TLE2: variants seen among roughly 807,000 people sequenced by gnomAD.
TLE2 encodes transducin-like enhancer protein 2.
A neutral mutation model predicts 97.2 loss-of-function variants in TLE2; 74 were observed. That is an observed-to-expected ratio of 0.76 (90% CI 0.63 to 0.92). TLE2 has a LOEUF of 0.92. Among genes scored for constraint, TLE2 ranks in the 40% least tolerant of loss-of-function variants. The probability of loss-of-function intolerance (pLI) is 0.00; values close to 1 mark genes in which losing one functional copy is unlikely to be tolerated. For synonymous variants in TLE2, 499 were observed against 432.1 expected, an observed-to-expected ratio of 1.15 and a Z score of -1.92; for missense variants, 1,038 against 1,008.7, an observed-to-expected ratio of 1.03 and a Z score of -0.39.
In TLE2 at chr19:3,028,794, G is replaced by A; in HGVS notation, c.34C>T (p.Gln12Ter). Reference sequence around the variant, plus strand: ...GAGAACTTGAAGGGCTGGCCGGACTGGAGCGGGGTCTGGGGGGGGTGTGGG... The same window carrying A: ...GAGAACTTGAAGGGCTGGCCGGACTAGAGCGGGGTCTGGGGGGGGTGTGGG... ...YPQGRHPTPLQSGQPFKFSIL... is the reference protein window; with the variant it reads ...YPQGRHPTPL Residue 12 changes from glutamine to a stop codon, truncating the protein, a stop_gained, in exon 2 of 20, where the codon CAG becomes TAG. Coordinates refer to ENST00000262953, the MANE Select transcript of TLE2 (RefSeq NM_003260.5). LOFTEE classifies it high-confidence loss of function. 6.2e-7 allele frequency: 1 copy of A among 1,612,726 alleles called. No individual in the cohort carries two copies. The highest frequency in any genetic ancestry group is 8.5e-7 in the Non-Finnish European group (1 of 1,179,848).
chr19:3,017,809 TAA>T (rs746245112), intron 8 of TLE2, 29 bp downstream of exon 8: 6 of 1,607,428 alleles, frequency 3.7e-6, no homozygotes, highest in African/African-American at 1.3e-5. Flanking sequence ...CCCAAGAATA[TAA>T]AAAGAGTCCC....
chr19:3,008,446 TTC>T (rs1462249705), intron 14 of TLE2, among the ~76,000 whole-genome samples: 2 of 139,992 alleles, frequency 1.4e-5, no homozygotes, highest in African/African-American at 5.3e-5. Context: ...GAGACTTTTT[TTC>T]TTTTTTCTTT....
intron 11 of TLE2, among the ~76,000 whole-genome samples, chr19:3,012,261 A>G (rs200122073): frequency 2.6e-5 from 4 of 151,826 alleles, no homozygotes; most frequent in African/African-American, 9.7e-5. Context: ...TCCAAAACGA[A>G]AAACAAACAA....
chr19:2,997,748 G>C lies in TLE2; in HGVS notation c.*100C>G. 1.2e-6 allele frequency: 1 copy of C among 840,180 alleles called. No individual in the cohort carries two copies. Among genetic ancestry groups the C allele is most frequent in the Non-Finnish European group, 2.0e-6 (1 of 508,936 alleles). 52.0% of individuals were successfully genotyped at this position (840,180 alleles called of 1,614,324 possible). ...TGGCCAGAGAGCAGATGGGATGTACGGTTCCTAGGCAGGGCTGGGAGGCGG... is the reference window on the plus strand; with the variant it reads ...TGGCCAGAGAGCAGATGGGATGTACCGTTCCTAGGCAGGGCTGGGAGGCGG... On this transcript the variant is annotated 3_prime_UTR_variant, in exon 20 of 20. Transcript: ENST00000262953.
chr19:3,002,719 G>T (rs2089391471), intron 17 of TLE2, among the ~76,000 whole-genome samples: 2 of 149,454 alleles, frequency 1.3e-5, no homozygotes, highest in Admixed American at 6.7e-5. Flanking sequence ...TTTTTTTTGA[G>T]ACAGAGTCTC....
At position 2,998,293 on chromosome 19, in the gene TLE2, T is replaced by G. The variant is rs548486815; in HGVS notation, c.2125-338A>C. Among the ~76,000 whole-genome samples, 873 of 144,910 alleles carry G rather than the reference T, an allele frequency of 6.0e-3. 15 individuals carry two copies. Among genetic ancestry groups the G allele is most frequent in the African/African-American group, 0.023 (844 of 36,582 alleles). ...TGTGTGTGTAATTTTTTTTTTTTTT[T>G]GTGAGACAGGGTCTAACTCTGTTGC... On this transcript the variant is annotated intron_variant, in intron 19 of 19. Transcript: ENST00000262953.
intron 8 of TLE2, among the ~76,000 whole-genome samples, chr19:3,016,543 T>A (rs1013891852): frequency 6.9e-6 from 1 of 145,168 alleles, no homozygotes; most frequent in Non-Finnish European, 1.5e-5. Context: ...TGAGCCGAGA[T>A]TGCACCACTG....
At position 3,003,000 on chromosome 19, in the gene TLE2, C is replaced by T. The variant is rs143317028; in HGVS notation, c.1897-497G>A. 1.1e-4 allele frequency among the ~76,000 whole-genome samples: 17 copies of T among 152,174 alleles called. No individual in the cohort carries two copies. In the East Asian group the frequency reaches 2.5e-3, roughly 23 times the overall value. ...AGGTGTGAGCCACCATGTCAGCCTACGAGCCCCTTTGGATATTGGGGGGTG... is the reference window on the plus strand; with the variant it reads ...AGGTGTGAGCCACCATGTCAGCCTATGAGCCCCTTTGGATATTGGGGGGTG... On this transcript the variant is annotated intron_variant, in intron 17 of 19. Transcript: ENST00000262953.
chr19:3,032,132 A>G (rs1195541127), upstream of TLE2, among the ~76,000 whole-genome samples: 1 of 151,670 alleles, frequency 6.6e-6, no homozygotes, highest in Non-Finnish European at 1.5e-5. This position sits in a 1 kb window ranked among gnomAD's most constrained non-coding sequence, Gnocchi z 4.1. Context: ...CGGATTCACC[A>G]TGTTGGCCGG....
chr19:3,024,969 G>A (rs569771784), intron 5 of TLE2, 51 bp downstream of exon 5: 55 of 1,492,784 alleles, frequency 3.7e-5, no homozygotes, highest in South Asian at 3.4e-4. Context: ...ACCCCCTCCC[G>A]TCTTCTTCCG....
chr19:3,040,912 T>C (rs1193606201), intron 1 of TLE2, among the ~76,000 whole-genome samples: 3 of 145,962 alleles, frequency 2.1e-5, no homozygotes, highest in Non-Finnish European at 4.5e-5. Context: ...CCTGTGGACC[T>C]CCGTTTGCTC....
chr19:3,019,666 C>T lies in TLE2; in HGVS notation c.369+33G>A, dbSNP rs749173534. On this transcript the variant is annotated intron_variant, in intron 6 of 19. Coordinates refer to ENST00000262953, the MANE Select transcript of TLE2 (RefSeq NM_003260.5). This position sits in a 1 kb window ranked among gnomAD's most constrained non-coding sequence, Gnocchi z 5.1. ...GCCAGGGACCTGGGAGTGGGCGTCTCCCCATGGCGGGGCAGGGGCTAGAGA... is the reference window on the plus strand; with the variant it reads ...GCCAGGGACCTGGGAGTGGGCGTCTTCCCATGGCGGGGCAGGGGCTAGAGA... The T allele has an allele frequency of 1.4e-5, 23 of 1,599,892 alleles. No individual in the cohort carries two copies. Among genetic ancestry groups the T allele is most frequent in the Non-Finnish European group, 1.9e-5 (22 of 1,173,564 alleles).
In TLE2 at chr19:3,019,725, C is replaced by T. The variant is rs760740132; in HGVS notation, c.343G>A (p.Val115Met). The change falls in exon 6 of 20, where the codon GTG becomes ATG. Residue 115 changes from valine to methionine, a missense_variant. By Grantham distance (21) the Val-to-Met change is conservative (BLOSUM62 1). Coordinates refer to ENST00000262953, the MANE Select transcript of TLE2 (RefSeq NM_003260.5). This position sits in a 1 kb window ranked among gnomAD's most constrained non-coding sequence, Gnocchi z 5.1. ...CCGATGAGGCTGTTCAGCTCCCCCA[C>T]GGTGACCTGCTTGGCGCGTTCTACG... Reference protein sequence around the residue: ...QAVERAKQVTVGELNSLIGQQ... With the variant: ...QAVERAKQVTMGELNSLIGQQ... 11 of 1,612,514 alleles carry T rather than the reference C, an allele frequency of 6.8e-6. No homozygotes were observed. In the East Asian group the frequency reaches 1.1e-4, roughly 16 times the overall value.
At chr19:3,035,286 C>T (rs981612645) in intron 1 of TLE2, among the ~76,000 whole-genome samples, 1 of 152,262 alleles carries the variant, frequency 6.6e-6, no homozygotes, top group East Asian at 1.9e-4. Flanking sequence ...CCACATCCGG[C>T]CAGAGCAGGA....
In TLE2 at chr19:3,000,701, C is replaced by T. The variant is rs2089337720; in HGVS notation, c.2070G>A (p.Gly690=). The change falls in exon 19 of 20, where the codon GGG becomes GGA. Residue 690 remains glycine, a synonymous_variant. Transcript: ENST00000262953. ...TCCAGGCGTTGAGCAGGTTGTCCTTCCCGGTGCTCACAAACCACCGTCCTT... is the reference window on the plus strand; with the variant it reads ...TCCAGGCGTTGAGCAGGTTGTCCTTTCCGGTGCTCACAAACCACCGTCCTT... The part of the protein sequence containing the change: ...ASCGRWFVST[G]KDNLLNAWRT... 1 of 1,592,944 alleles carries T rather than the reference C, an allele frequency of 6.3e-7. No individual in the cohort carries two copies. The highest frequency in any genetic ancestry group is 8.5e-7 in the Non-Finnish European group (1 of 1,170,174).
At chr19:2,999,032 G>A (rs147459536) in intron 19 of TLE2, among the ~76,000 whole-genome samples, 104 of 152,126 alleles carry the variant, frequency 6.8e-4, no homozygotes, top group Middle Eastern at 3.4e-3. Context: ...ACGGTGGCTC[G>A]GCGCTTCCGG....
intron 11 of TLE2, 33 bp from the exon 12 acceptor site, chr19:3,011,193 G>T (rs1343721038): frequency 1.9e-6 from 3 of 1,540,240 alleles, no homozygotes; most frequent in Non-Finnish European, 1.7e-6. Flanking sequence ...AAGGCCACCA[G>T]GCACCTGGTG....
At chr19:3,028,639 C>G in intron 2 of TLE2, 67 bp downstream of exon 2, 1 of 1,571,264 alleles carries the variant, frequency 6.4e-7, no homozygotes, top group Non-Finnish European at 8.7e-7. Context: ...CGCCCTATAC[C>G]CCGGAGGCCT....
intron 5 of TLE2, among the ~76,000 whole-genome samples, chr19:3,022,822 A>G (rs1304094150): frequency 6.6e-6 from 1 of 152,094 alleles, no homozygotes; most frequent in African/African-American, 2.4e-5. Flanking sequence ...AAAGGGCCAG[A>G]GAGTGAAAAC....
Sources: allele counts gnomAD v4.1 joint callset (sites outside exome capture counted in the v4.1 genomes callset), GRCh38; gene constraint gnomAD v4.1.1; non-coding constraint Gnocchi (gnomAD v3.1); transcripts MANE v1.5; gene names NCBI Gene and HGNC (gene_info 2026-07-23, HGNC 2026-07-21).